Variants in VAPB observed in about 807,000 individuals in gnomAD.
VAPB encodes vesicle-associated membrane protein-associated protein B/C.
VAPB carries 7 observed loss-of-function variants against 25.6 expected under a neutral mutation model. The observed-to-expected ratio is 0.27, with a 90% CI of 0.16 to 0.51. The LOEUF (loss-of-function observed/expected upper bound fraction) is 0.51, where lower values mean the gene tolerates loss of function less well. Ranked by LOEUF, VAPB falls within the 20% of genes least tolerant of loss-of-function variation. The pLI, the probability that VAPB is intolerant of heterozygous loss-of-function variation, is 0.97. For synonymous variants in VAPB, 112 were observed against 109.2 expected (o/e 1.03, Z -0.16); for missense variants, 266 against 301.3 (o/e 0.88, Z 0.87).
At chr20:58,438,481 G>A (rs575750486) in intron 3 of VAPB, among the ~76,000 whole-genome samples, 7 of 152,180 alleles carry the variant, frequency 4.6e-5, no homozygotes, top group South Asian at 4.1e-4. Flanking sequence ...GTCTCCTTAC[G>A]TTGTGCAGAC....
intron 1 of VAPB, among the ~76,000 whole-genome samples, chr20:58,403,078 C>G (rs62205695): frequency 0.017 from 2,574 of 152,268 alleles, 24 homozygotes; most frequent in Middle Eastern, 0.041. Flanking sequence ...AGTAATGAAG[C>G]CTGTCGGCAG....
At chr20:58,413,957 T>C (rs74177920) in intron 1 of VAPB, among the ~76,000 whole-genome samples, 24,840 of 24,998 alleles carry the variant, frequency 0.99, 12,352 homozygotes, top group Middle Eastern at 1. Context: ...GGGGCTGACC[T>C]CCCCACCTCC....
At chr20:58,434,233 A>G (rs1399890180) in intron 2 of VAPB, among the ~76,000 whole-genome samples, 3 of 152,222 alleles carry the variant, frequency 2.0e-5, no homozygotes, top group Non-Finnish European at 2.9e-5. Context: ...ATTCCTGAAG[A>G]GATCATTTGG....
chr20:58,440,615 TC>T, intron 4 of VAPB: 1 of 332,628 alleles, frequency 3.0e-6, no homozygotes, highest in South Asian at 2.7e-5. Flanking sequence ...TGCTGATTTT[TC>T]CGTGGCAGGA....
chr20:58,443,952 A>G, intron 5 of VAPB, 125 bp from the exon 6 acceptor site: 1 of 1,406,334 alleles, frequency 7.1e-7, no homozygotes, highest in Admixed American at 1.8e-5. Context: ...CCGTTTGCAA[A>G]ATGCGGTTGG....
At chr20:58,418,434 T>C in intron 2 of VAPB, 71 bp downstream of exon 2, 2 of 1,579,424 alleles carry the variant, frequency 1.3e-6, no homozygotes, top group Non-Finnish European at 8.6e-7. Context: ...TCTTAAAGTT[T>C]GTATTTGCAG....
At chr20:58,434,545 A>G (rs1374948808) in intron 2 of VAPB, 57 bp from the exon 3 acceptor site, 12 of 871,054 alleles carry the variant, frequency 1.4e-5, no homozygotes, top group Non-Finnish European at 2.4e-5. Flanking sequence ...TATTAGCATA[A>G]TAAATGGCAC....
Position 58,446,250 on chromosome 20 carries a change from CTG to C in VAPB, c.*2017_*2018del, listed in dbSNP as rs1263929137. ...TATAAAAGGGAGTGAAAAGACCGAG[CTG>C]TAAGGCATGTGCCTTCTGCCACCTG... On this transcript the variant is annotated 3_prime_UTR_variant, in exon 6 of 6. Coordinates refer to ENST00000475243, the MANE Select transcript of VAPB (RefSeq NM_004738.5). 5 of 454,086 alleles carry C rather than the reference CTG, an allele frequency of 1.1e-5. No individual in the cohort carries two copies. In the Admixed American group the frequency reaches 1.2e-4, roughly 11 times the overall value. The allele number at this position is 454,086 out of a possible 1,614,324, so 28.1% of individuals were successfully genotyped here.
chr20:58,408,571 C>G (rs974293159), intron 1 of VAPB, among the ~76,000 whole-genome samples: 1 of 152,098 alleles, frequency 6.6e-6, no homozygotes, highest in African/African-American at 2.4e-5. Flanking sequence ...TAACAGCTCA[C>G]TCTCTTCGAA....
intron 1 of VAPB, among the ~76,000 whole-genome samples, chr20:58,409,870 A>G (rs1988328475): frequency 6.6e-6 from 1 of 151,566 alleles, no homozygotes; most frequent in Non-Finnish European, 1.5e-5. Flanking sequence ...GAAGAGGAGC[A>G]ATCACTTTGC....
chr20:58,419,527 C>T (rs1165849736), intron 2 of VAPB, among the ~76,000 whole-genome samples: 1 of 152,180 alleles, frequency 6.6e-6, no homozygotes, highest in East Asian at 1.9e-4. Flanking sequence ...CTCTTACCTG[C>T]CCTGTAAGGG....
intron 1 of VAPB, among the ~76,000 whole-genome samples, chr20:58,417,758 T>A (rs1029575365): frequency 6.6e-6 from 1 of 152,220 alleles, no homozygotes; most frequent in East Asian, 1.9e-4. Flanking sequence ...CATTTTGGAA[T>A]GAGTTTAGTC....
intron 2 of VAPB, among the ~76,000 whole-genome samples, chr20:58,418,855 A>T (rs1174064848): frequency 1.3e-5 from 2 of 152,082 alleles, no homozygotes; most frequent in African/African-American, 4.8e-5. Flanking sequence ...ACGCCAAGAG[A>T]GATGAGGGCT....
intron 2 of VAPB, among the ~76,000 whole-genome samples, chr20:58,421,684 G>A (rs1433204322): frequency 6.6e-6 from 1 of 152,040 alleles, no homozygotes; most frequent in Non-Finnish European, 1.5e-5. Flanking sequence ...TTAAAGAGAG[G>A]AGGGAGGGAG....
chr20:58,421,954 T>C (rs547275884), intron 2 of VAPB, among the ~76,000 whole-genome samples: 17 of 152,178 alleles, frequency 1.1e-4, no homozygotes, highest in Non-Finnish European at 2.1e-4. Flanking sequence ...TGACCTATCA[T>C]GCTATTTTCT....
At position 58,405,843 on chromosome 20, in the gene VAPB, C is replaced by A. The variant is rs1017874136; in HGVS notation, c.59-12368C>A. Among the ~76,000 whole-genome samples the A allele has an allele frequency of 1.5e-4, 22 of 150,944 alleles. 1 individual carries two copies. The highest frequency in any genetic ancestry group is 5.4e-4 in the African/African-American group (22 of 41,006). On this transcript the variant is annotated intron_variant, in intron 1 of 5. Coordinates refer to ENST00000475243, the MANE Select transcript of VAPB (RefSeq NM_004738.5). The stretch of plus-strand genomic sequence containing the variant: ...TCACTCGGCTCACTGTAACCTCCCC[C>A]TCCCAGTTCAAGCAATTCTCCTGCC...
In VAPB at chr20:58,444,973, G is replaced by A; in HGVS notation, c.*738G>A. 2.2e-6 allele frequency: 1 copy of A among 454,720 alleles called. No individual in the cohort carries two copies. The allele number at this position is 454,720 out of a possible 1,614,324, so 28.2% of individuals were successfully genotyped here. A position where few individuals can be genotyped will look rare whatever the true frequency, so the allele number is the denominator to read the frequency against. ...ACTTATTTAATGTATTTCATCTCAT[G>A]TTTTCTTATTGTCACAAGAGTACAG... On this transcript the variant is annotated 3_prime_UTR_variant, in exon 6 of 6. Coordinates refer to ENST00000475243, the MANE Select transcript of VAPB (RefSeq NM_004738.5).
rs1315487007 is a variant in VAPB, at chr20:58,449,484, GT to G, written c.*5250del. ...GGAATTAGTTTATTAGAAAATGTCT[GT>G]GTTAAATCCGTAGAAAAGGAAGAAA... On this transcript the variant is annotated 3_prime_UTR_variant, in exon 6 of 6. Coordinates refer to ENST00000475243, the MANE Select transcript of VAPB (RefSeq NM_004738.5). 2.2e-6 allele frequency: 1 copy of G among 452,858 alleles called. No individual in the cohort carries two copies. Among genetic ancestry groups the G allele is most frequent in the Non-Finnish European group, 4.4e-6 (1 of 226,448 alleles). The allele number at this position is 452,858 out of a possible 1,614,324, so 28.1% of individuals were successfully genotyped here. A position where few individuals can be genotyped will look rare whatever the true frequency, so the allele number is the denominator to read the frequency against.
At chr20:58,404,828 G>A (rs1308814110) in intron 1 of VAPB, among the ~76,000 whole-genome samples, 1 of 152,028 alleles carries the variant, frequency 6.6e-6, no homozygotes, top group Admixed American at 6.6e-5. Context: ...TGTATTCTGG[G>A]TGGGAGCTGC....
Sources: gnomAD v4.1 joint callset for allele counts (sites outside exome capture counted in the v4.1 genomes callset) on GRCh38, gnomAD v4.1.1 for gene constraint, MANE v1.5 for transcripts, NCBI Gene and HGNC (gene_info 2026-07-23, HGNC 2026-07-21) for gene names.